The following KMT2C variants were observed in gnomAD, a reference collection of about 807,000 sequenced individuals.
The protein encoded by KMT2C is lysine methyltransferase 2C.
Under a neutral mutation model 507.9 loss-of-function variants are expected in KMT2C, and 88 were observed. The observed-to-expected ratio is 0.17, with a 90% confidence interval of 0.15 to 0.21. The LOEUF (loss-of-function observed/expected upper bound fraction) is 0.21. Among genes scored for constraint, KMT2C ranks in the 10% least tolerant of loss-of-function variants. The pLI is 1.00. For missense variants in KMT2C, 4,954 were observed against 5,957.8 expected, an observed-to-expected ratio of 0.83 and a Z score of 5.55; for synonymous variants, 2,049 against 2,080.8, an observed-to-expected ratio of 0.98 and a Z score of 0.42.
chr7:152,424,162 G>A (rs2097796061), intron 1 of KMT2C, among the ~76,000 whole-genome samples: 1 of 151,908 alleles, frequency 6.6e-6, no homozygotes, highest in African/African-American at 2.4e-5. Flanking sequence ...CAGGCTGGGT[G>A]GGGTGCAGTT....
intron 2 of KMT2C, among the ~76,000 whole-genome samples, chr7:152,356,941 A>C (rs139105974): frequency 0.013 from 1,931 of 146,454 alleles, 48 homozygotes; most frequent in African/African-American, 0.047. Context: ...AATAGCAATA[A>C]TAATAATTAG....
At chr7:152,296,016 C>T (rs987849637) in intron 6 of KMT2C, among the ~76,000 whole-genome samples, 1 of 135,372 alleles carries the variant, frequency 7.4e-6, no homozygotes, top group Admixed American at 8.4e-5. Flanking sequence ...GGCAGTGAGC[C>T]GAGATCACGC....
At chr7:152,198,545 A>T (rs557754518) in intron 27 of KMT2C, among the ~76,000 whole-genome samples, 112 of 152,314 alleles carry the variant, frequency 7.4e-4, no homozygotes, top group Middle Eastern at 3.4e-3. Context: ...AGAAACACTG[A>T]TCAAGACACT....
At chr7:152,146,277 C>A (rs1057309796) in intron 53 of KMT2C, among the ~76,000 whole-genome samples, 9 of 152,128 alleles carry the variant, frequency 5.9e-5, no homozygotes, top group African/African-American at 1.9e-4. Context: ...GTGGGAGAAA[C>A]TTCAGAAAGG....
intron 6 of KMT2C, among the ~76,000 whole-genome samples, chr7:152,289,688 T>C (rs1199600889): frequency 1.3e-5 from 2 of 152,346 alleles, no homozygotes; most frequent in African/African-American, 4.8e-5. Flanking sequence ...TCCAACAATG[T>C]AAGCTTAACT....
chr7:152,171,655 T>A (rs2092968046), intron 39 of KMT2C, among the ~76,000 whole-genome samples: 1 of 152,212 alleles, frequency 6.6e-6, no homozygotes, highest in African/African-American at 2.4e-5. Flanking sequence ...CTCTAGAGGT[T>A]TTACTCTATT....
chr7:152,389,229 A>T (rs1446943128), intron 1 of KMT2C, among the ~76,000 whole-genome samples: 1 of 151,790 alleles, frequency 6.6e-6, no homozygotes, highest in Non-Finnish European at 1.5e-5. Context: ...AAATTTCTCA[A>T]TTCTGGAGAC....
intron 6 of KMT2C, among the ~76,000 whole-genome samples, chr7:152,309,179 C>T (rs1298106130): frequency 2.0e-5 from 3 of 152,038 alleles, no homozygotes; most frequent in South Asian, 4.2e-4. Flanking sequence ...AAAAAGTTAC[C>T]ACATGAATGT....
At chr7:152,384,552 C>CACCACTACT (rs2097403743) in intron 1 of KMT2C, among the ~76,000 whole-genome samples, 1 of 44,408 alleles carries the variant, frequency 2.3e-5, no homozygotes, top group African/African-American at 6.3e-5. Context: ...TGCATAACAC[C>CACCACTACT]ACCACCACCA....
At chr7:152,318,878 G>A (rs1162098579) in intron 3 of KMT2C, among the ~76,000 whole-genome samples, 1 of 152,010 alleles carries the variant, frequency 6.6e-6, no homozygotes, top group Non-Finnish European at 1.5e-5. Flanking sequence ...AATAGATATC[G>A]ATCATAACCA....
At chr7:152,274,210 A>C (rs985153163) in intron 6 of KMT2C, among the ~76,000 whole-genome samples, 6 of 152,154 alleles carry the variant, frequency 3.9e-5, no homozygotes, top group African/African-American at 1.4e-4. Context: ...ATTGAGGATT[A>C]TTATAAAGTT....
chr7:152,192,543 A>G (rs185247944), intron 31 of KMT2C, among the ~76,000 whole-genome samples: 64 of 150,034 alleles, frequency 4.3e-4, no homozygotes, highest in Middle Eastern at 3.4e-3. Flanking sequence ...TCTGTCTCAG[A>G]AAAAAAAGAA....
chr7:152,229,091 A>C (rs2095027348), intron 18 of KMT2C, among the ~76,000 whole-genome samples: 1 of 152,202 alleles, frequency 6.6e-6, no homozygotes, highest in Non-Finnish European at 1.5e-5. Flanking sequence ...TGATGTTTGA[A>C]GGGCAGGGGA....
rs1024971003 is a variant in KMT2C at position 152,167,374 on chromosome 7, A to G, written c.9522T>C (p.Asp3174=). 6 of 1,597,268 alleles carry G rather than the reference A, an allele frequency of 3.8e-6. No homozygotes were observed. The highest frequency in any genetic ancestry group is 4.3e-6 in the Non-Finnish European group (5 of 1,167,254). The change falls in exon 42 of 59, where the codon GAT becomes GAC. Residue 3174 remains aspartate (D), a synonymous_variant. Coordinates refer to ENST00000262189, the MANE Select transcript of KMT2C (RefSeq NM_170606.3). The stretch of plus-strand genomic sequence containing the variant: ...ACTCTTCATACTGCTTACGCTGTGA[A>G]TCATCTGAGGAAAAATTAAAATTCA... ...PPNFGPGFVN[D]SQRKQYEEWL...
At chr7:152,255,139 ATATATACATATATATATATG>A (rs1314968795) in intron 9 of KMT2C, among the ~76,000 whole-genome samples, 1 of 127,846 alleles carries the variant, frequency 7.8e-6, no homozygotes, top group African/African-American at 3.1e-5. Flanking sequence ...ATATATATAT[ATATATACATATATATATATG>A]TGTGTGTGTG....
intron 2 of KMT2C, among the ~76,000 whole-genome samples, chr7:152,336,599 G>A (rs2096938111): frequency 6.6e-6 from 1 of 152,142 alleles, no homozygotes. Context: ...TTTGCCTAAA[G>A]AAAGAAGCTA....
chr7:152,179,473 T>A (rs2093350088), intron 37 of KMT2C, among the ~76,000 whole-genome samples: 1 of 152,100 alleles, frequency 6.6e-6, no homozygotes, highest in African/African-American at 2.4e-5. Flanking sequence ...AAAACAAAGG[T>A]AATGTTTTCA....
chr7:152,215,177 A>G (rs1177738169), intron 23 of KMT2C, among the ~76,000 whole-genome samples: 1 of 152,102 alleles, frequency 6.6e-6, no homozygotes, highest in Non-Finnish European at 1.5e-5. Context: ...TACATACAAC[A>G]TTATAAATAT....
chr7:152,234,142 C>G (rs180997364), intron 16 of KMT2C, among the ~76,000 whole-genome samples: 2 of 152,050 alleles, frequency 1.3e-5, no homozygotes, highest in African/African-American at 4.8e-5. Context: ...AATTCCAACA[C>G]TTTGGGAGGC....
Sources: allele counts gnomAD v4.1 joint callset (sites outside exome capture counted in the v4.1 genomes callset), GRCh38; gene constraint gnomAD v4.1.1; transcripts MANE v1.5; gene names NCBI Gene and HGNC (gene_info 2026-07-23, HGNC 2026-07-21).